The following PCDHA11 variants were observed in gnomAD, a reference collection of about 807,000 sequenced individuals.
PCDHA11 encodes the protein protocadherin alpha-11.
A neutral mutation model predicts 70.3 loss-of-function variants in PCDHA11; 61 were observed. That is an observed-to-expected ratio of 0.87 (90% CI 0.71 to 1.07). PCDHA11 has a LOEUF of 1.07. Among genes scored for constraint, PCDHA11 ranks in the 50% least tolerant of loss-of-function variants. The probability of loss-of-function intolerance (pLI) is 0.00; values close to 1 mark genes in which losing one functional copy is unlikely to be tolerated. For synonymous variants in PCDHA11, 633 were observed against 555.1 expected, an observed-to-expected ratio of 1.14 and a Z score of -1.97; for missense variants, 1,324 against 1,237.5, an observed-to-expected ratio of 1.07 and a Z score of -1.05.
chr5:140,937,160 C>T lies in PCDHA11; in HGVS notation c.2392-41789C>T, dbSNP rs767846084. Among the ~76,000 whole-genome samples the T allele has an allele frequency of 1.0e-3, 155 of 151,762 alleles. 1 individual carries two copies. Among genetic ancestry groups the T allele is most frequent in the Admixed American group, 4.7e-3 (71 of 15,248 alleles). ...TCATGCCATTCTCCTGCCTCAGCCT[C>T]CCGAGTAGCTGGGACTACAGGCGCC... On this transcript the variant is annotated intron_variant, in intron 1 of 3. Coordinates refer to ENST00000398640, the MANE Select transcript of PCDHA11 (RefSeq NM_018902.5).
chr5:140,971,420 TGAA>T (rs782149033), intron 1 of PCDHA11, among the ~76,000 whole-genome samples: 3 of 152,112 alleles, frequency 2.0e-5, no homozygotes, highest in Non-Finnish European at 4.4e-5. Flanking sequence ...GGAAATCCAG[TGAA>T]GAACCCCAAG....
In PCDHA11 at chr5:140,870,750, G is replaced by T; in HGVS notation, c.1647G>T (p.Thr549=). ...AGVPPLSSNV[T]LQVFVLDEND... is the part of the protein sequence containing the mutation. ...TGCCGCCTCTGAGCAGCAACGTGAC[G>T]CTGCAGGTGTTCGTGCTGGACGAGA... Residue 549 remains threonine (T), a synonymous_variant, in exon 1 of 4, where the codon ACG becomes ACT. Transcript: ENST00000398640. 1 of 1,613,506 alleles carries T rather than the reference G, an allele frequency of 6.2e-7. No individual in the cohort carries two copies. Among genetic ancestry groups the T allele is most frequent in the Non-Finnish European group, 8.5e-7 (1 of 1,179,892 alleles).
chr5:140,969,311 G>A (rs2096317598), intron 1 of PCDHA11: 2 of 1,614,050 alleles, frequency 1.2e-6, no homozygotes, highest in Non-Finnish European at 1.7e-6. Context: ...TCTCAAAAAT[G>A]AGGCTGTTTC....
chr5:140,879,889 C>T (rs897508016), intron 1 of PCDHA11, among the ~76,000 whole-genome samples: 3 of 152,200 alleles, frequency 2.0e-5, no homozygotes, highest in Non-Finnish European at 4.4e-5. Context: ...GCCTCCTCCT[C>T]TCCATGTCTC....
chr5:140,869,122 A>G lies in PCDHA11; in HGVS notation c.19A>G (p.Arg7Gly), dbSNP rs1562622538. ...GTATGCGATGTTTGGTTTTCAGAGA[A>G]GGGGATTGGGCACCCCACGACTACA... Reference protein sequence around the residue: MFGFQRRGLGTPRLQLW... With the variant: MFGFQRGGLGTPRLQLW... Residue 7 changes from arginine (R) to glycine (G), a missense_variant, in exon 1 of 4, where the codon AGG becomes GGG. Coordinates refer to ENST00000398640, the MANE Select transcript of PCDHA11 (RefSeq NM_018902.5). The G allele has an allele frequency of 2.5e-6, 4 of 1,607,706 alleles. No individual in the cohort carries two copies. The highest frequency in any genetic ancestry group is 3.4e-6 in the Non-Finnish European group (4 of 1,176,054).
At chr5:140,968,704 G>A (rs782208487) in intron 1 of PCDHA11, 6 of 1,614,002 alleles carry the variant, frequency 3.7e-6, no homozygotes, top group Admixed American at 1.7e-5. Context: ...GGACTACCAG[G>A]AAGATGGGAG....
At chr5:140,982,054 G>T (rs565307071) in intron 2 of PCDHA11, among the ~76,000 whole-genome samples, 1 of 152,322 alleles carries the variant, frequency 6.6e-6, no homozygotes, top group East Asian at 1.9e-4. Context: ...AAATATTTTA[G>T]TGTGTTTTCT....
chr5:140,969,557 A>G, intron 1 of PCDHA11: 2 of 1,212,410 alleles, frequency 1.6e-6, no homozygotes, highest in South Asian at 3.3e-5. Context: ...AGCCTTGTCC[A>G]TAAAATTGTT....
chr5:140,925,395 G>A (rs1451043717), intron 1 of PCDHA11, among the ~76,000 whole-genome samples: 1 of 151,998 alleles, frequency 6.6e-6, no homozygotes, highest in African/African-American at 2.4e-5. Context: ...CTTTTGGCTC[G>A]CCTCCTTCTT....
intron 3 of PCDHA11, among the ~76,000 whole-genome samples, chr5:140,994,726 G>T (rs774837274): frequency 3.0e-4 from 45 of 151,958 alleles, no homozygotes; most frequent in Non-Finnish European, 3.7e-4. Flanking sequence ...TAAAATACTG[G>T]GTATTGCAGG....
chr5:140,891,418 C>G (rs2063090538), intron 1 of PCDHA11, among the ~76,000 whole-genome samples: 1 of 146,594 alleles, frequency 6.8e-6, no homozygotes, highest in Non-Finnish European at 1.5e-5. Flanking sequence ...CCACTCTTGC[C>G]CCCAAGTCCC....
In PCDHA11 at chr5:140,870,855, G is replaced by A; in HGVS notation, c.1752G>A (p.Val584=). Residue 584 remains valine, a synonymous_variant, in exon 1 of 4, where the codon GTG becomes GTA. Transcript: ENST00000398640. Reference sequence around the variant, plus strand: ...TTAACAAGCTAGTACCGCGGTCGGTGGGTGCGGGCCACGTGGTGGCGAAGG... The same window carrying A: ...TTAACAAGCTAGTACCGCGGTCGGTAGGTGCGGGCCACGTGGTGGCGAAGG... ...GAVNKLVPRS[V]GAGHVVAKVR... 6.2e-7 allele frequency: 1 copy of A among 1,613,910 alleles called. No homozygotes were observed. The highest frequency in any genetic ancestry group is 8.5e-7 in the Non-Finnish European group (1 of 1,179,902).
intron 3 of PCDHA11, among the ~76,000 whole-genome samples, chr5:141,001,404 T>A (rs965496882): frequency 1.3e-4 from 20 of 152,072 alleles, no homozygotes; most frequent in African/African-American, 4.8e-4. Context: ...GAACAGGGAG[T>A]ATATTTTTAC....
chr5:140,998,243 C>T (rs1554256209), intron 3 of PCDHA11, among the ~76,000 whole-genome samples: 1 of 152,164 alleles, frequency 6.6e-6, no homozygotes, highest in Non-Finnish European at 1.5e-5. Context: ...CATTATTATA[C>T]TCATTTTACT....
At chr5:140,969,923 A>G (rs1270842223) in intron 1 of PCDHA11, among the ~76,000 whole-genome samples, 3 of 152,234 alleles carry the variant, frequency 2.0e-5, no homozygotes, top group Non-Finnish European at 4.4e-5. Flanking sequence ...AAGCTGTAGT[A>G]TTTAGACATC....
At position 140,910,081 on chromosome 5, in the gene PCDHA11, A is replaced by G. The variant is rs183187398; in HGVS notation, c.2391+38587A>G. 2.8e-3 allele frequency among the ~76,000 whole-genome samples: 421 copies of G among 152,330 alleles called. 2 individuals are homozygous for G. Among genetic ancestry groups the G allele is most frequent in the Middle Eastern group, 0.014 (4 of 294 alleles). On this transcript the variant is annotated intron_variant, in intron 1 of 3. Coordinates refer to ENST00000398640, the MANE Select transcript of PCDHA11 (RefSeq NM_018902.5). Reference sequence around the variant, plus strand: ...CTTTTAACAGCGTAAATTGTTGTCAAGGGGAACCAGCCTCCCCTTCATTTA... The same window carrying G: ...CTTTTAACAGCGTAAATTGTTGTCAGGGGGAACCAGCCTCCCCTTCATTTA...
intron 1 of PCDHA11, chr5:140,876,117 C>G: frequency 6.2e-7 from 1 of 1,613,922 alleles, no homozygotes; most frequent in East Asian, 2.2e-5. Context: ...TGATGGTAAT[C>G]GATGGCGGTA....
In PCDHA11 at chr5:140,871,055, A is replaced by T. The variant is rs782721683; in HGVS notation, c.1952A>T (p.Lys651Met). ...SPRHRLLVLVKDHGEPALTAT... is the reference protein window; with the variant it reads ...SPRHRLLVLVMDHGEPALTAT... ...CGCCACCGACTTCTAGTACTGGTGA[A>T]GGATCACGGTGAGCCGGCGCTGACG... Residue 651 changes from lysine to methionine, a missense_variant, in exon 1 of 4, where the codon AAG (lysine) becomes ATG (methionine). Transcript: ENST00000398640. 9 of 1,613,326 alleles carry T rather than the reference A, an allele frequency of 5.6e-6. No individual in the cohort carries two copies. The highest frequency in any genetic ancestry group is 2.7e-5 in the African/African-American group (2 of 75,054).
chr5:140,870,273 C>G lies in PCDHA11; in HGVS notation c.1170C>G (p.Pro390=), dbSNP rs1307506968. The G allele has an allele frequency of 1.9e-6, 3 of 1,614,192 alleles. No individual in the cohort carries two copies. Among genetic ancestry groups the G allele is most frequent in the South Asian group, 2.2e-5 (2 of 91,088 alleles). The part of the protein sequence containing the change: ...VNGQVTCSLT[P]HVPFKLVSTF... ...GACAGGTGACCTGCTCGCTGACGCC[C>G]CACGTTCCCTTCAAGCTGGTGTCCA... is the stretch of plus-strand genomic sequence containing the variant. Residue 390 remains proline (P), a synonymous_variant, in exon 1 of 4, where the codon CCC becomes CCG. Transcript: ENST00000398640.
Sources: allele counts gnomAD v4.1 joint callset (sites outside exome capture counted in the v4.1 genomes callset), GRCh38; gene constraint gnomAD v4.1.1; transcripts MANE v1.5; gene names NCBI Gene and HGNC (gene_info 2026-07-23, HGNC 2026-07-21).